Variants in SPMAP2 observed in about 807,000 individuals in gnomAD.
The protein encoded by SPMAP2 is sperm microtubule associated protein 2, also known as Theg homolog.
chr19:363,790 C>T, the SPMAP2 span, among the ~76,000 whole-genome samples: 1 of 151,976 alleles, frequency 6.6e-6, no homozygotes, highest in Non-Finnish European at 1.5e-5. Context: ...CCGCCTCGGC[C>T]TCCCAAAGTA....
chr19:375,024 G>A, the SPMAP2 span, among the ~76,000 whole-genome samples: 1 of 152,182 alleles, frequency 6.6e-6, no homozygotes, highest in Non-Finnish European at 1.5e-5. Flanking sequence ...TTCTTGGGCG[G>A]CAAACCTCCC....
At chr19:374,187 G>C in the SPMAP2 span, 1 of 1,533,904 alleles carries the variant, frequency 6.5e-7, no homozygotes, top group Non-Finnish European at 8.9e-7. Context: ...TGCTGGATGT[G>C]GTGGCAGCTG....
the SPMAP2 span, among the ~76,000 whole-genome samples, chr19:369,319 A>G: frequency 2.2e-4 from 33 of 152,314 alleles, no homozygotes; most frequent in African/African-American, 7.5e-4. Context: ...GCTGACCACA[A>G]TGGGGAGAGC....
the SPMAP2 span, among the ~76,000 whole-genome samples, chr19:369,058 C>T: frequency 6.6e-6 from 1 of 152,132 alleles, no homozygotes; most frequent in Non-Finnish European, 1.5e-5. Context: ...TTACTGGGTT[C>T]GTGTTTTAAA....
At chr19:371,333 TC>T in the SPMAP2 span, 1 of 1,430,886 alleles carries the variant, frequency 7.0e-7, no homozygotes, top group Non-Finnish European at 9.2e-7. Context: ...CTGGGGGAGG[TC>T]CCCATTTTAG....
chr19:373,664 A>G, the SPMAP2 span: 1 of 672,820 alleles, frequency 1.5e-6, no homozygotes, highest in Non-Finnish European at 2.5e-6. Flanking sequence ...AGGCCAGAGA[A>G]GGACAGTGGG....
At chr19:375,550 C>T in the SPMAP2 span, 25 of 1,157,780 alleles carry the variant, frequency 2.2e-5, no homozygotes, top group Non-Finnish European at 2.5e-5. Flanking sequence ...CGAGCCAGGC[C>T]GGTGGCCGGT....
chr19:366,350 G>A, the SPMAP2 span, among the ~76,000 whole-genome samples: 2 of 152,142 alleles, frequency 1.3e-5, no homozygotes, highest in African/African-American at 2.4e-5. Context: ...TGTGGTGAGC[G>A]TGAGTGCGTG....
chr19:374,971 C>T, the SPMAP2 span, among the ~76,000 whole-genome samples: 1 of 152,244 alleles, frequency 6.6e-6, no homozygotes, highest in Admixed American at 6.5e-5. Context: ...GCTGTTTTCT[C>T]TGCAGGTTGG....
the SPMAP2 span, among the ~76,000 whole-genome samples, chr19:366,219 G>A: frequency 1.1e-4 from 16 of 152,088 alleles, no homozygotes; most frequent in East Asian, 2.3e-3. Flanking sequence ...GCATGCACAC[G>A]CACAAACACA....
chr19:367,284 T>C, the SPMAP2 span: 2 of 1,483,862 alleles, frequency 1.3e-6, no homozygotes, highest in Admixed American at 2.6e-5. Context: ...TCGTGGGCCC[T>C]GGAGCTGAAG....
chr19:369,206 G>A, the SPMAP2 span, among the ~76,000 whole-genome samples: 1 of 152,206 alleles, frequency 6.6e-6, no homozygotes, highest in Non-Finnish European at 1.5e-5. Context: ...ACCACACACA[G>A]TGAGGGGAAT....
chr19:374,051 C>T, the SPMAP2 span: 1 of 1,597,666 alleles, frequency 6.3e-7, no homozygotes, highest in Admixed American at 1.7e-5. Flanking sequence ...GCCTCTTGCC[C>T]TGGGTCTCCC....
At chr19:375,664 T>G in the SPMAP2 span, 1 of 1,556,056 alleles carries the variant, frequency 6.4e-7, no homozygotes, top group African/African-American at 1.4e-5. Flanking sequence ...GGTGCCCACC[T>G]GATTTCAGGA....
At chr19:370,825 G>C in the SPMAP2 span, among the ~76,000 whole-genome samples, 797 of 151,062 alleles carry the variant, frequency 5.3e-3, 10 homozygotes, top group African/African-American at 0.018. Context: ...GGTCAAGCCC[G>C]CAGGCTGCGG....
At chr19:373,415 C>T in the SPMAP2 span, 1 of 1,575,778 alleles carries the variant, frequency 6.3e-7, no homozygotes, top group Admixed American at 1.7e-5. Flanking sequence ...GGGGCAGGTT[C>T]CCTGGAGGCC....
At chr19:366,824 G>T in the SPMAP2 span, among the ~76,000 whole-genome samples, 1 of 152,270 alleles carries the variant, frequency 6.6e-6, no homozygotes, top group African/African-American at 2.4e-5. Flanking sequence ...AGCTGCATTT[G>T]TTCCTTAGCG....
the SPMAP2 span, chr19:362,476 T>A: frequency 1.4e-6 from 2 of 1,463,932 alleles, no homozygotes; most frequent in African/African-American, 1.4e-5. Flanking sequence ...ACCTCAAAGC[T>A]CCACATTCAG....
At chr19:372,879 G>C in the SPMAP2 span, among the ~76,000 whole-genome samples, 2 of 152,238 alleles carry the variant, frequency 1.3e-5, no homozygotes, top group African/African-American at 2.4e-5. Flanking sequence ...TGCTGTCCCT[G>C]ATTTAGGGAC....
Sources: allele counts gnomAD v4.1 joint callset (sites outside exome capture counted in the v4.1 genomes callset), GRCh38; gene constraint gnomAD v4.1.1; transcripts MANE v1.5; gene names NCBI Gene and HGNC (gene_info 2026-07-23, HGNC 2026-07-21).